ABCA1: variants seen among roughly 807,000 people sequenced by gnomAD.
The protein encoded by ABCA1 is ATP binding cassette subfamily A member 1, also known as phospholipid-transporting ATPase ABCA1.
Under a neutral mutation model 262.5 loss-of-function variants are expected in ABCA1, and 133 were observed. The ratio of observed to expected loss-of-function variants is 0.51; its 90% confidence interval spans 0.44 to 0.59. The LOEUF is 0.59. ABCA1 is among the 20% of genes least tolerant of loss of function. The pLI is 0.00. For missense variants in ABCA1, 2,452 were observed against 2,777.5 expected, an observed-to-expected ratio of 0.88 and a Z score of 2.63; for synonymous variants, 1,022 against 1,043.5, an observed-to-expected ratio of 0.98 and a Z score of 0.40.
intron 7 of ABCA1, among the ~76,000 whole-genome samples, chr9:104,851,649 T>G (rs192679617): frequency 5.9e-5 from 9 of 152,280 alleles, no homozygotes; most frequent in Non-Finnish European, 8.8e-5. Flanking sequence ...AGGGACTGTA[T>G]CACACCCAGC....
intron 7 of ABCA1, among the ~76,000 whole-genome samples, chr9:104,850,119 T>TTTTG (rs61340012): frequency 0.033 from 5,053 of 151,356 alleles, 242 homozygotes; most frequent in African/African-American, 0.1. Context: ...GGAGTGTTCT[T>TTTTG]TTTGTTTGTT....
Position 104,795,987 on chromosome 9 carries a change from TA to T in ABCA1, c.5382+65del, listed in dbSNP as rs1209069353. On this transcript the variant is annotated intron_variant, in intron 39 of 49. Transcript: ENST00000374736. Reference sequence around the variant, plus strand: ...CTGACAAGTGGAATAAGATCACAATTAAACACTGTCCTCTGGCTCCCAGAGA... The same window carrying T: ...CTGACAAGTGGAATAAGATCACAATTAACACTGTCCTCTGGCTCCCAGAGA... The T allele has an allele frequency of 4.6e-5, 74 of 1,606,332 alleles. 2 individuals carry two copies. Among genetic ancestry groups the T allele is most frequent in the East Asian group, 3.1e-4 (14 of 44,862 alleles).
intron 2 of ABCA1, 156 bp from the exon 3 acceptor site, chr9:104,889,351 G>A: frequency 1.0e-6 from 1 of 985,014 alleles, no homozygotes. Context: ...GAACTGTTTG[G>A]AGTCCCAACC....
At chr9:104,914,546 T>C (rs1446565149) in intron 1 of ABCA1, among the ~76,000 whole-genome samples, 3 of 151,508 alleles carry the variant, frequency 2.0e-5, no homozygotes, top group Non-Finnish European at 4.4e-5. Context: ...AATTCCTCCA[T>C]CTTTTCAGCT....
At chr9:104,859,043 A>G (rs1340519763) in intron 6 of ABCA1, among the ~76,000 whole-genome samples, 2 of 152,238 alleles carry the variant, frequency 1.3e-5, no homozygotes, top group East Asian at 3.8e-4. Flanking sequence ...TCCTGGAACC[A>G]CTTTTATTAG....
chr9:104,817,456 C>G lies in ABCA1; in HGVS notation c.3463-52G>C. ...GGGTCAGGGACGGAGCAAGGCAGAG[C>G]CACCAGCACCTTCGCCGGGGAGGGC... On this transcript the variant is annotated intron_variant, in intron 23 of 49. Coordinates refer to ENST00000374736, the MANE Select transcript of ABCA1 (RefSeq NM_005502.4). This position sits in a 1 kb window ranked among gnomAD's most constrained non-coding sequence, Gnocchi z 4.7. 6.3e-7 allele frequency: 1 copy of G among 1,593,500 alleles called. No individual in the cohort carries two copies.
chr9:104,903,826 C>T (rs768255333), intron 1 of ABCA1, 55 bp from the exon 2 acceptor site: 71 of 757,414 alleles, frequency 9.4e-5, no homozygotes, highest in Non-Finnish European at 1.5e-4. Flanking sequence ...CAAAGCCATA[C>T]ACCAATGAGG....
At chr9:104,796,571 CA>C (rs1829914373) in intron 37 of ABCA1, 147 bp from the exon 38 acceptor site, 1 of 727,618 alleles carries the variant, frequency 1.4e-6, no homozygotes, top group South Asian at 1.5e-5. Context: ...AACTATTAAT[CA>C]AAATACCCGA....
intron 1 of ABCA1, among the ~76,000 whole-genome samples, chr9:104,916,981 A>G (rs565335628): frequency 6.6e-6 from 1 of 152,352 alleles, no homozygotes; most frequent in South Asian, 2.1e-4. Flanking sequence ...CTAGACCCCA[A>G]CATCAAAAAT....
At chr9:104,870,900 A>C (rs1484018014) in intron 5 of ABCA1, among the ~76,000 whole-genome samples, 1 of 152,136 alleles carries the variant, frequency 6.6e-6, no homozygotes, top group East Asian at 1.9e-4. Flanking sequence ...CTTCTGAGCC[A>C]GGAGAAGGAA....
chr9:104,875,437 C>T (rs1194225925), intron 5 of ABCA1, among the ~76,000 whole-genome samples: 1 of 151,850 alleles, frequency 6.6e-6, no homozygotes, highest in Non-Finnish European at 1.5e-5. Context: ...ACTGACTCCA[C>T]ACAAAAGTGC....
At position 104,788,011 on chromosome 9, in the gene ABCA1, C is replaced by T; in HGVS notation, c.6113G>A (p.Gly2038Glu). ...ACTATAGTTACCAGCATATTTTTCT[C>T]CATACTTCACGAGGCCCAGTTTCCG... ...AIRKLGLVKYGEKYAGNYSGG... is the reference protein window; with the variant it reads ...AIRKLGLVKYEEKYAGNYSGG... Residue 2038 changes from glycine (G) to glutamate (E), a missense_variant, in exon 46 of 50, where the codon GGA (glycine) becomes GAA (glutamate). Physicochemically the swap from Gly to Glu is moderately conservative, Grantham distance 98. This residue lies in a region of ABCA1 where 752 missense variants were observed against 944.5 expected (regional missense o/e 0.80). Transcript: ENST00000374736. 2 of 1,614,196 alleles carry T rather than the reference C, an allele frequency of 1.2e-6. No individual in the cohort carries two copies. The highest frequency in any genetic ancestry group is 1.1e-5 in the South Asian group (1 of 91,086).
At chr9:104,922,452 C>G (rs1265403361) in intron 1 of ABCA1, among the ~76,000 whole-genome samples, 1 of 152,198 alleles carries the variant, frequency 6.6e-6, no homozygotes, top group Non-Finnish European at 1.5e-5. Context: ...GACTTCAGCT[C>G]CACTACTTAC....
chr9:104,882,041 A>AAAAAAAAAACAAAAAAAAAAC (rs1838709828), intron 5 of ABCA1, among the ~76,000 whole-genome samples: 1 of 146,504 alleles, frequency 6.8e-6, no homozygotes, highest in South Asian at 2.2e-4. Context: ...AAAAAAAAAA[A>AAAAAAAAAACAAAAAAAAAAC]AAAAAAAAAA....
At chr9:104,826,811 C>G (rs896680251) in intron 16 of ABCA1, 137 bp downstream of exon 16, 19 of 835,040 alleles carry the variant, frequency 2.3e-5, no homozygotes, top group Non-Finnish European at 3.8e-5. Flanking sequence ...CCTTAAAGAG[C>G]TTAGAATCTA....
At chr9:104,912,607 C>T (rs1841566462) in intron 1 of ABCA1, among the ~76,000 whole-genome samples, 1 of 152,112 alleles carries the variant, frequency 6.6e-6, no homozygotes, top group Non-Finnish European at 1.5e-5. Context: ...TGTTTCATCA[C>T]TATAGAACTA....
At position 104,814,425 on chromosome 9, in the gene ABCA1, A is replaced by G; in HGVS notation, c.3787+2T>C. ...TGTGCCATTCTCCCTCAAGGCAGTT[A>G]CCTGAGGTCTCAGCATCCACCCCAC... On this transcript the variant is annotated splice_donor_variant, in intron 26 of 49. Coordinates refer to ENST00000374736, the MANE Select transcript of ABCA1 (RefSeq NM_005502.4). LOFTEE classifies it high-confidence loss of function. 6.2e-7 allele frequency: 1 copy of G among 1,614,164 alleles called. No individual in the cohort carries two copies. Among genetic ancestry groups the G allele is most frequent in the Non-Finnish European group, 8.5e-7 (1 of 1,179,996 alleles).
chr9:104,888,058 G>GGTGTGTGT (rs10693809), intron 3 of ABCA1, among the ~76,000 whole-genome samples: 2,457 of 140,354 alleles, frequency 0.018, 31 homozygotes, highest in South Asian at 0.038. Flanking sequence ...TTTCTTGAGG[G>GGTGTGTGT]GTGTGTGTGT....
At chr9:104,911,673 CACACTCCTGAA>C (rs1841507500) in intron 1 of ABCA1, among the ~76,000 whole-genome samples, 1 of 152,130 alleles carries the variant, frequency 6.6e-6, no homozygotes, top group African/African-American at 2.4e-5. Context: ...TATACCTCCT[CACACTCCTGAA>C]ACATTCCATA....
Sources: allele counts gnomAD v4.1 joint callset (sites outside exome capture counted in the v4.1 genomes callset), GRCh38; gene constraint gnomAD v4.1.1; regional missense constraint gnomAD v4.1.1; non-coding constraint Gnocchi (gnomAD v3.1); transcripts MANE v1.5; gene names NCBI Gene and HGNC (gene_info 2026-07-23, HGNC 2026-07-21).